FADS2: variants seen among roughly 807,000 people sequenced by gnomAD.
FADS2 encodes acyl-CoA 6-desaturase.
FADS2 carries 18 observed loss-of-function variants against 61.2 expected under a neutral mutation model. That is an observed-to-expected ratio of 0.29 (90% CI 0.20 to 0.44). FADS2 has a LOEUF of 0.44. Ranked by LOEUF, FADS2 falls within the 20% of genes least tolerant of loss-of-function variation. The pLI is 1.00. For missense variants in FADS2, 322 were observed against 572.7 expected (o/e 0.56, Z 4.47); for synonymous variants, 203 against 223.9 (o/e 0.91, Z 0.83).
chr11:61,842,005 G>A (rs2067221682), intron 4 of FADS2, among the ~76,000 whole-genome samples: 1 of 152,220 alleles, frequency 6.6e-6, no homozygotes, highest in African/African-American at 2.4e-5. Context: ...TTTTGAAAAT[G>A]AGTCTTTGCC....
rs764239659 is a variant in FADS2, at chr11:61,816,369, G to A, written c.84G>A (p.Gln28=). The A allele has an allele frequency of 1.4e-5, 22 of 1,598,310 alleles. No homozygotes were observed. Among genetic ancestry groups the A allele is most frequent in the Non-Finnish European group, 1.8e-5 (21 of 1,179,804 alleles). The change falls in exon 1 of 12, where the codon CAG becomes CAA. Residue 28 remains glutamine (Q), a synonymous_variant. Coordinates refer to the FADS2 transcript ENST00000257261. The surrounding 1 kb of genome is among the most constrained non-coding windows in gnomAD (Gnocchi z 7.0). The stretch of plus-strand genomic sequence containing the variant: ...CCACTCCCCAGACTCCACTTCTCCA[G>A]GCCTCTCTCCCGCCTTTTCATCCCG...
chr11:61,853,175 AACAAC>A (rs2067322450), intron 5 of FADS2, among the ~76,000 whole-genome samples: 1 of 150,752 alleles, frequency 6.6e-6, no homozygotes, highest in Non-Finnish European at 1.5e-5. Flanking sequence ...CAACAACAAC[AACAAC>A]AAAACAAAAC....
In FADS2 at chr11:61,828,328, T is replaced by A; in HGVS notation, c.-63T>A. 2 of 1,533,274 alleles carry A rather than the reference T, an allele frequency of 1.3e-6. No individual in the cohort carries two copies. Among genetic ancestry groups the A allele is most frequent in the Non-Finnish European group, 8.8e-7 (1 of 1,139,908 alleles). 95.0% of individuals were successfully genotyped at this position (1,533,274 alleles called of 1,614,324 possible). ...ACACACCGGCTGGGAGGCAGCCGTCTGTGCAGCGAGCAGCCGGCGCGGGGA... is the reference window on the plus strand; with the variant it reads ...ACACACCGGCTGGGAGGCAGCCGTCAGTGCAGCGAGCAGCCGGCGCGGGGA... On this transcript the variant is annotated 5_prime_UTR_variant, in exon 1 of 12. Transcript: ENST00000278840. The surrounding 1 kb of genome is among the most constrained non-coding windows in gnomAD (Gnocchi z 6.4).
Position 61,828,341 on chromosome 11 carries a change from G to A in FADS2, c.-50G>A. On this transcript the variant is annotated 5_prime_UTR_variant, in exon 1 of 12. Transcript: ENST00000278840. The surrounding 1 kb of genome is among the most constrained non-coding windows in gnomAD (Gnocchi z 6.4). ...GAGGCAGCCGTCTGTGCAGCGAGCA[G>A]CCGGCGCGGGGAGGCCGCAGTGCAC... is the stretch of plus-strand genomic sequence containing the variant. 1 of 1,541,544 alleles carries A rather than the reference G, an allele frequency of 6.5e-7. No homozygotes were observed. The highest frequency in any genetic ancestry group is 1.2e-5 in the South Asian group (1 of 82,972).
chr11:61,831,876 C>G (rs1037342570), intron 1 of FADS2, among the ~76,000 whole-genome samples: 2 of 152,134 alleles, frequency 1.3e-5, no homozygotes, highest in Non-Finnish European at 2.9e-5. Flanking sequence ...TTGCTGTGGG[C>G]AAAAGGAACC....
At chr11:61,853,263 C>T (rs1392464370) in intron 5 of FADS2, among the ~76,000 whole-genome samples, 1 of 116,814 alleles carries the variant, frequency 8.6e-6, no homozygotes, top group African/African-American at 4.9e-5. Flanking sequence ...CTTTCTTTCT[C>T]TCCCTCCCTC....
At chr11:61,839,683 T>C (rs1355617978) in intron 2 of FADS2, among the ~76,000 whole-genome samples, 1 of 152,220 alleles carries the variant, frequency 6.6e-6, no homozygotes, top group African/African-American at 2.4e-5. Context: ...CACATTTACA[T>C]TGTTATGTAA....
chr11:61,848,637 A>C, intron 5 of FADS2: 1 of 204,522 alleles, frequency 4.9e-6, no homozygotes, highest in East Asian at 1.2e-4. Flanking sequence ...TCTCCCTCCT[A>C]CCCTTAGGCC....
intron 10 of FADS2, chr11:61,864,253 GA>G (rs947797874): frequency 9.1e-5 from 14 of 153,856 alleles, no homozygotes; most frequent in African/African-American, 3.4e-4. Flanking sequence ...TCCTGGGCTG[GA>G]GTGCAGTGGT....
At chr11:61,857,624 T>C (rs2067373635) in intron 7 of FADS2, 94 bp downstream of exon 7, 4 of 1,124,676 alleles carry the variant, frequency 3.6e-6, no homozygotes, top group Non-Finnish European at 5.4e-6. Context: ...TGTGCCCCAG[T>C]GGAGCCTGTG....
intron 1 of FADS2, among the ~76,000 whole-genome samples, chr11:61,835,835 C>G (rs2067169702): frequency 6.6e-6 from 1 of 152,120 alleles, no homozygotes; most frequent in African/African-American, 2.4e-5. Context: ...TGTGCAGTTG[C>G]CTTTTGAAAA....
chr11:61,865,634 G>T lies in FADS2; in HGVS notation c.1284-4G>T, dbSNP rs1591183538. 1 of 1,613,028 alleles carries T rather than the reference G, an allele frequency of 6.2e-7. No homozygotes were observed. The highest frequency in any genetic ancestry group is 8.5e-7 in the Non-Finnish European group (1 of 1,179,532). On this transcript the variant is annotated splice_region_variant and splice_polypyrimidine_tract_variant and intron_variant, in intron 11 of 11. Coordinates refer to ENST00000278840, the MANE Select transcript of FADS2 (RefSeq NM_004265.4). This position sits in a 1 kb window ranked among gnomAD's most constrained non-coding sequence, Gnocchi z 4.1. ...CTGACCCTGGTCCATCCCCAACTTT[G>T]CAGGTCCCTGAAGAAGTCTGGGAAG...
chr11:61,850,887 C>T (rs757099485), intron 5 of FADS2, among the ~76,000 whole-genome samples: 11 of 152,110 alleles, frequency 7.2e-5, no homozygotes, highest in Non-Finnish European at 1.3e-4. Flanking sequence ...TGGAACAAGG[C>T]GAGGAGACAG....
At chr11:61,839,831 A>G (rs1591169528) in intron 2 of FADS2, among the ~76,000 whole-genome samples, 1 of 152,198 alleles carries the variant, frequency 6.6e-6, no homozygotes, top group East Asian at 1.9e-4. Context: ...CTCTCCAAGG[A>G]CCTCCTGTAT....
At chr11:61,857,234 G>A (rs1310373848) in intron 6 of FADS2, among the ~76,000 whole-genome samples, 163 bp downstream of exon 6, 5 of 152,110 alleles carry the variant, frequency 3.3e-5, no homozygotes, top group Admixed American at 6.5e-5. Flanking sequence ...CTCAGCCTGT[G>A]TTACAGGCCT....
At chr11:61,855,267 T>C (rs1357980565) in intron 5 of FADS2, 1 of 152,342 alleles carries the variant, frequency 6.6e-6, no homozygotes, top group Non-Finnish European at 1.5e-5. Context: ...GGAGGAGCTC[T>C]TGAGCAGAGC....
chr11:61,837,888 C>G lies in FADS2; in HGVS notation c.318C>G (p.Asn106Lys), dbSNP rs144799113. 1.9e-4 allele frequency: 307 copies of G among 1,610,106 alleles called. No individual in the cohort carries two copies. Among genetic ancestry groups the G allele is most frequent in the Non-Finnish European group, 2.4e-4 (285 of 1,177,408 alleles). The stretch of plus-strand genomic sequence containing the variant: ...AGCCCAGCCAGGACCACGGCAAGAA[C>G]GTAAGTCTGGCTTGCAACCTGGGTG... Reference protein sequence around the residue: ...PEEPSQDHGKNSKITEDFRAL... With the variant: ...PEEPSQDHGKKSKITEDFRAL... The change falls in exon 2 of 12, where the codon AAC (asparagine) becomes AAG (lysine). Residue 106 changes from asparagine (N) to lysine (K), a missense_variant and splice_region_variant. By Grantham distance (94) the Asn-to-Lys change is moderately conservative (BLOSUM62 0). This residue lies in a region of FADS2 where 40 missense variants were observed against 37.3 expected (regional missense o/e 1.07). Coordinates refer to ENST00000278840, the MANE Select transcript of FADS2 (RefSeq NM_004265.4).
chr11:61,827,715 CA>C (rs1301385632), upstream of FADS2: 1 of 152,286 alleles, frequency 6.6e-6, no homozygotes, highest in African/African-American at 2.4e-5. The surrounding 1 kb of genome is among the most constrained non-coding windows in gnomAD (Gnocchi z 4.5). Context: ...TGCAAACCCC[CA>C]GAGCGCCGGG....
At chr11:61,853,967 G>A (rs934782497) in intron 5 of FADS2, among the ~76,000 whole-genome samples, 3 of 152,310 alleles carry the variant, frequency 2.0e-5, no homozygotes, top group East Asian at 3.9e-4. Context: ...TGGCCTTGAG[G>A]TGCATGGAGA....
Sources: allele counts gnomAD v4.1 joint callset (sites outside exome capture counted in the v4.1 genomes callset), GRCh38; gene constraint gnomAD v4.1.1; regional missense constraint gnomAD v4.1.1; non-coding constraint Gnocchi (gnomAD v3.1); transcripts MANE v1.5; gene names NCBI Gene and HGNC (gene_info 2026-07-23, HGNC 2026-07-21).